TYW1: variants seen among roughly 807,000 people sequenced by gnomAD.
The protein encoded by TYW1 is tRNA-yW synthesizing protein 1 homolog, also known as S-adenosyl-L-methionine-dependent tRNA 4-demethylwyosine synthase TYW1.
A neutral mutation model predicts 96.2 loss-of-function variants in TYW1; 46 were observed. That is an observed-to-expected ratio of 0.48 (90% CI 0.38 to 0.61). The LOEUF is 0.61. TYW1 is among the 20% of genes least tolerant of loss of function. The pLI is 0.00. For synonymous variants in TYW1, 274 were observed against 323.0 expected (o/e 0.85, Z 1.63); for missense variants, 684 against 909.6 (o/e 0.75, Z 3.19).
chr7:67,065,803 G>T (rs1168826458), intron 9 of TYW1, among the ~76,000 whole-genome samples: 1 of 152,040 alleles, frequency 6.6e-6, no homozygotes, highest in Non-Finnish European at 1.5e-5. Flanking sequence ...TTGAGGTCAG[G>T]AGTTCAAGAC....
intron 7 of TYW1, among the ~76,000 whole-genome samples, chr7:67,043,990 CA>C (rs1173742667): frequency 6.6e-6 from 1 of 151,574 alleles, no homozygotes; most frequent in East Asian, 1.9e-4. Context: ...TAAATTGCAG[CA>C]AAAGTTATTA....
chr7:67,079,714 T>C (rs968869877), intron 10 of TYW1, among the ~76,000 whole-genome samples: 1 of 152,158 alleles, frequency 6.6e-6, no homozygotes, highest in African/African-American at 2.4e-5. Context: ...TCTACATTTT[T>C]GATATAGTTG....
intron 3 of TYW1, among the ~76,000 whole-genome samples, chr7:67,007,577 C>A (rs1241668183): frequency 6.6e-6 from 1 of 152,156 alleles, no homozygotes; most frequent in Non-Finnish European, 1.5e-5. Context: ...GGACGAATAT[C>A]CAAACCGTAT....
chr7:67,160,507 G>A (rs1342326923), intron 13 of TYW1, among the ~76,000 whole-genome samples: 1 of 147,132 alleles, frequency 6.8e-6, no homozygotes, highest in East Asian at 2.0e-4. Context: ...AAGGACTTAA[G>A]GACTTAAGGT....
intron 13 of TYW1, among the ~76,000 whole-genome samples, chr7:67,172,802 C>T (rs1799556003): frequency 6.6e-6 from 1 of 152,030 alleles, no homozygotes; most frequent in African/African-American, 2.4e-5. Context: ...TCCTATGTCT[C>T]TTCTTCCAGC....
chr7:67,239,470 T>A lies in TYW1; in HGVS notation c.*941T>A. ...TCAAGTTAGCAAGTTCTTTTAACAG[T>A]CTTTTATGCAAAAATTGAATTAATA... On this transcript the variant is annotated 3_prime_UTR_variant, in exon 16 of 16. Coordinates refer to ENST00000359626, the MANE Select transcript of TYW1 (RefSeq NM_018264.4). 5.6e-6 allele frequency: 5 copies of A among 892,150 alleles called. No individual in the cohort carries two copies. The highest frequency in any genetic ancestry group is 6.7e-6 in the Non-Finnish European group (5 of 745,178). 55.3% of individuals were successfully genotyped at this position (892,150 alleles called of 1,614,324 possible).
intron 13 of TYW1, among the ~76,000 whole-genome samples, chr7:67,159,569 C>G (rs984846742): frequency 5.4e-4 from 82 of 151,984 alleles, no homozygotes; most frequent in African/African-American, 1.9e-3. Context: ...AAGTTCAACT[C>G]ACCAGTATAA....
intron 5 of TYW1, among the ~76,000 whole-genome samples, chr7:67,016,217 G>C (rs1794017533): frequency 6.6e-6 from 1 of 150,872 alleles, no homozygotes; most frequent in African/African-American, 2.4e-5. Context: ...GTCTCTGGTG[G>C]AGTGTGAGTG....
chr7:67,149,533 T>C (rs1277951203), intron 13 of TYW1, among the ~76,000 whole-genome samples: 35 of 151,640 alleles, frequency 2.3e-4, no homozygotes, highest in Admixed American at 2.3e-3. Context: ...ACCATTTATA[T>C]TCAGCCATTT....
intron 6 of TYW1, among the ~76,000 whole-genome samples, chr7:67,019,283 A>G (rs906400082): frequency 8.6e-6 from 1 of 115,850 alleles, no homozygotes; most frequent in Non-Finnish European, 2.0e-5. Flanking sequence ...TTCCTCCCCA[A>G]CCCTTCCCCC....
At chr7:67,148,229 GT>G (rs1341948473) in intron 13 of TYW1, among the ~76,000 whole-genome samples, 1 of 151,914 alleles carries the variant, frequency 6.6e-6, no homozygotes, top group African/African-American at 2.4e-5. Context: ...ATATATCTCA[GT>G]AGAGATATGT....
intron 15 of TYW1, among the ~76,000 whole-genome samples, chr7:67,209,732 C>G (rs1437009642): frequency 6.6e-6 from 1 of 152,062 alleles, no homozygotes; most frequent in Non-Finnish European, 1.5e-5. Flanking sequence ...GCCACCACGC[C>G]CGGCTACTTT....
At chr7:67,057,047 G>A (rs1272710266) in intron 9 of TYW1, among the ~76,000 whole-genome samples, 7 of 146,282 alleles carry the variant, frequency 4.8e-5, no homozygotes, top group East Asian at 2.0e-4. Context: ...ATGGAGTCTC[G>A]CTCTGTTGCC....
chr7:67,105,754 C>G (rs983459664), intron 12 of TYW1, among the ~76,000 whole-genome samples: 5 of 152,164 alleles, frequency 3.3e-5, no homozygotes, highest in African/African-American at 4.8e-5. Context: ...GAAAGGTAAA[C>G]TGAGAGGCCA....
chr7:67,176,712 A>T (rs1004689777), intron 13 of TYW1, among the ~76,000 whole-genome samples: 11 of 152,180 alleles, frequency 7.2e-5, no homozygotes, highest in African/African-American at 2.4e-4. Flanking sequence ...ATGTACATGG[A>T]TATGCAAAGG....
intron 13 of TYW1, among the ~76,000 whole-genome samples, chr7:67,173,111 A>G (rs1799565657): frequency 6.6e-6 from 1 of 152,228 alleles, no homozygotes; most frequent in South Asian, 2.1e-4. Flanking sequence ...TTAACAATGC[A>G]TTTTAATGCA....
chr7:67,128,325 A>G (rs1478999210), intron 13 of TYW1, among the ~76,000 whole-genome samples: 2 of 152,148 alleles, frequency 1.3e-5, no homozygotes, highest in Non-Finnish European at 2.9e-5. Context: ...ATCCAGTCTC[A>G]AGGCCATTCT....
chr7:67,072,963 T>TTTTTTTTG lies in TYW1; in HGVS notation c.1274+5561_1274+5562insTTTTTTGT, dbSNP rs1219374462. Among the ~76,000 whole-genome samples the TTTTTTTTG allele has an allele frequency of 8.0e-4, 95 of 118,684 alleles. 10 individuals carry two copies. The highest frequency in any genetic ancestry group is 2.6e-3 in the African/African-American group (76 of 29,020). The allele number at this position is 118,684 out of a possible 152,430, so 77.9% of individuals were successfully genotyped here. On this transcript the variant is annotated intron_variant, in intron 10 of 15. Transcript: ENST00000359626. ...TTTTTTTTTTTTTTTTTTTTTTTTT[T>TTTTTTTTG]TATAGAGACAGGGTCTTGCTATGTT...
chr7:67,180,408 ATATATATATATATATAAT>A, intron 13 of TYW1, among the ~76,000 whole-genome samples: 1 of 101,376 alleles, frequency 9.9e-6, no homozygotes. Context: ...ATATATATTT[ATATATATATATATATAAT>A]TTTTTTTTTG....
Sources: allele counts gnomAD v4.1 joint callset (sites outside exome capture counted in the v4.1 genomes callset), GRCh38; gene constraint gnomAD v4.1.1; transcripts MANE v1.5; gene names NCBI Gene and HGNC (gene_info 2026-07-23, HGNC 2026-07-21).